Variants in MCRS1 observed in about 807,000 individuals in gnomAD.
MCRS1 encodes 58 kDa microspherule protein.
A neutral mutation model predicts 62.9 loss-of-function variants in MCRS1; 22 were observed. That is an observed-to-expected ratio of 0.35 (90% CI 0.25 to 0.50). MCRS1 has a LOEUF of 0.50. Ranked by LOEUF, MCRS1 falls within the 20% of genes least tolerant of loss-of-function variation. MCRS1 has a pLI of 0.98. For missense variants in MCRS1, 456 were observed against 601.1 expected (o/e 0.76, Z 2.52); for synonymous variants, 244 against 233.5 (o/e 1.04, Z -0.41).
intron 8 of MCRS1, among the ~76,000 whole-genome samples, chr12:49,561,213 A>G (rs562630095): frequency 5.3e-5 from 8 of 152,314 alleles, no homozygotes; most frequent in Admixed American, 5.2e-4. Context: ...TTAAAGGGAT[A>G]AAGGCCCCCC....
At chr12:49,565,393 G>A in intron 4 of MCRS1, 136 bp downstream of exon 4, 1 of 1,500,944 alleles carries the variant, frequency 6.7e-7, no homozygotes, top group South Asian at 1.4e-5. Context: ...CAGGAGGGGG[G>A]CATCTGAGAT....
chr12:49,566,502 A>C (rs1939072860), intron 2 of MCRS1: 2 of 1,535,400 alleles, frequency 1.3e-6, no homozygotes, highest in Non-Finnish European at 1.8e-6. Context: ...TCTGGGCATA[A>C]CTGCTCCCTC....
In MCRS1 at chr12:49,559,420, A is replaced by G. The variant is rs908366750; in HGVS notation, c.1086+33T>C. The G allele has an allele frequency of 6.2e-7, 1 of 1,613,326 alleles. No homozygotes were observed. Among genetic ancestry groups the G allele is most frequent in the Non-Finnish European group, 8.5e-7 (1 of 1,179,474 alleles). On this transcript the variant is annotated intron_variant, in intron 12 of 14. Transcript: ENST00000343810. The surrounding 1 kb of genome is among the most constrained non-coding windows in gnomAD (Gnocchi z 5.2). The stretch of plus-strand genomic sequence containing the variant: ...AGAGAAAGGCACTGACAGAGGAAGC[A>G]GCCTAAGAAGGGCGGGGATGGGCCT...
rs375972087 is a variant in MCRS1, at chr12:49,559,020, G to A, written c.1175-50C>T. 2.5e-6 allele frequency: 4 copies of A among 1,607,126 alleles called. No individual in the cohort carries two copies. The highest frequency in any genetic ancestry group is 1.3e-5 in the African/African-American group (1 of 74,864). ...GATGATGGGATGGGGAGGGATTGAT[G>A]GGATGGGGAAAGGCCAGAGAGAGCC... On this transcript the variant is annotated intron_variant, in intron 13 of 14. Coordinates refer to ENST00000343810, the MANE Select transcript of MCRS1 (RefSeq NM_006337.5). The surrounding 1 kb of genome is among the most constrained non-coding windows in gnomAD (Gnocchi z 5.2).
At position 49,565,538 on chromosome 12, in the gene MCRS1, C is replaced by T. The variant is rs1172417840; in HGVS notation, c.279G>A (p.Glu93=). 2 of 1,590,290 alleles carry T rather than the reference C, an allele frequency of 1.3e-6. No individual in the cohort carries two copies. The highest frequency in any genetic ancestry group is 1.2e-5 in the South Asian group (1 of 86,612). Residue 93 remains glutamate (E), a synonymous_variant, in exon 4 of 15, where the codon GAG becomes GAA. Coordinates refer to ENST00000343810, the MANE Select transcript of MCRS1 (RefSeq NM_006337.5). The part of the protein sequence containing the change: ...RCSGSEPSSS[E]KKKVSKAPST... ...TCTCCCAATTCCTCACCTTCTTCTT[C>T]TCACTGGAGGAGGGTTCACTCCCCG...
Position 49,567,282 on chromosome 12 carries a change from C to T in MCRS1, c.-110-441G>A, listed in dbSNP as rs1939112166. 2.0e-5 allele frequency among the ~76,000 whole-genome samples: 3 copies of T among 151,998 alleles called. No individual in the cohort carries two copies. In the South Asian group the frequency reaches 6.2e-4, roughly 32 times the overall value. On this transcript the variant is annotated intron_variant, in intron 1 of 14. Coordinates refer to ENST00000343810, the MANE Select transcript of MCRS1 (RefSeq NM_006337.5). ...GGAGACAAAACTCCAACCAGTCCAT[C>T]TCGTTTTTTTTTTGTTTTTCTTTTC... is the stretch of plus-strand genomic sequence containing the variant.
In MCRS1 at chr12:49,566,828, G is replaced by T; in HGVS notation, c.-97C>A. 6.7e-7 allele frequency: 1 copy of T among 1,493,708 alleles called. No individual in the cohort carries two copies. The highest frequency in any genetic ancestry group is 9.2e-7 in the Non-Finnish European group (1 of 1,090,934). 92.5% of individuals were successfully genotyped at this position (1,493,708 alleles called of 1,614,324 possible). A position where few individuals can be genotyped will look rare whatever the true frequency, so the allele number is the denominator to read the frequency against. The stretch of plus-strand genomic sequence containing the variant: ...GGATTCTGACCAGGTGAGCTTAAAG[G>T]CTGAGAGGAGATTCTGCAAAGGAGA... On this transcript the variant is annotated 5_prime_UTR_variant, in exon 2 of 15. Coordinates refer to ENST00000343810, the MANE Select transcript of MCRS1 (RefSeq NM_006337.5).
Position 49,564,909 on chromosome 12 carries a change from AG to A in MCRS1, c.289-15del. ...GGCTTTGGATACCTGGGCAGAGGAC[AG>A]GAACAAACCAAGCTCAAAGCCAGCA... is the stretch of plus-strand genomic sequence containing the variant. On this transcript the variant is annotated splice_polypyrimidine_tract_variant and intron_variant, in intron 4 of 14. Coordinates refer to ENST00000343810, the MANE Select transcript of MCRS1 (RefSeq NM_006337.5). 2 of 1,563,858 alleles carry A rather than the reference AG, an allele frequency of 1.3e-6. No homozygotes were observed. The highest frequency in any genetic ancestry group is 2.3e-5 in the South Asian group (2 of 85,392).
Position 49,562,946 on chromosome 12 carries a change from A to G in MCRS1, c.805+55T>C, listed in dbSNP as rs142536571. The G allele has an allele frequency of 5.2e-6, 8 of 1,546,504 alleles. No homozygotes were observed. In the African/African-American group the frequency reaches 1.1e-4, roughly 21 times the overall value. On this transcript the variant is annotated intron_variant, in intron 8 of 14. Transcript: ENST00000343810. ...GGCAGCTGTGTCGAGTACTTCAGAC[A>G]CACACACACATGCACGTGCACACAC...
intron 9 of MCRS1, 43 bp downstream of exon 9, chr12:49,560,252 G>A (rs757898014): frequency 1.4e-5 from 22 of 1,595,750 alleles, no homozygotes; most frequent in Non-Finnish European, 1.7e-5. Context: ...TGACAGGAGT[G>A]ACTCGGCTCT....
intron 6 of MCRS1, 64 bp downstream of exon 6, chr12:49,564,417 T>C: frequency 7.1e-7 from 1 of 1,401,206 alleles, no homozygotes; most frequent in South Asian, 1.3e-5. Context: ...CAATTCCCTC[T>C]GCTCCAGGAC....
rs907379205 is a variant in MCRS1 at position 49,559,432 on chromosome 12, G to C, written c.1086+21C>G. ...TGACAGAGGAAGCAGCCTAAGAAGG[G>C]CGGGGATGGGCCTGCCTCACCTCAC... On this transcript the variant is annotated intron_variant, in intron 12 of 14. Coordinates refer to ENST00000343810, the MANE Select transcript of MCRS1 (RefSeq NM_006337.5). The surrounding 1 kb of genome is among the most constrained non-coding windows in gnomAD (Gnocchi z 5.2). 3 of 1,613,842 alleles carry C rather than the reference G, an allele frequency of 1.9e-6. No individual in the cohort carries two copies. Among genetic ancestry groups the C allele is most frequent in the Non-Finnish European group, 2.5e-6 (3 of 1,179,920 alleles).
Position 49,559,918 on chromosome 12 carries a change from AC to A in MCRS1, c.910+20del. 3 of 1,613,734 alleles carry A rather than the reference AC, an allele frequency of 1.9e-6. No homozygotes were observed. Among genetic ancestry groups the A allele is most frequent in the Middle Eastern group, 1.6e-4 (1 of 6,062 alleles). ...TGGCAGGAGCTTCCATCCCCTCACC[AC>A]CCCATGAGGCCATACTTACCATGTT... On this transcript the variant is annotated intron_variant, in intron 10 of 14. Transcript: ENST00000343810. This position sits in a 1 kb window ranked among gnomAD's most constrained non-coding sequence, Gnocchi z 5.2.
rs1248636219 is a variant in MCRS1 at position 49,558,488 on chromosome 12, G to A, written c.*155C>T. 5.5e-6 allele frequency: 4 copies of A among 729,094 alleles called. No homozygotes were observed. The South Asian group carries it at 5.7e-5, about 10-fold the overall frequency. 45.2% of individuals were successfully genotyped at this position (729,094 alleles called of 1,614,324 possible). On this transcript the variant is annotated 3_prime_UTR_variant, in exon 15 of 15. Transcript: ENST00000343810. Reference sequence around the variant, plus strand: ...CTCAGCCTCTGCTGGCTTCACAAAGGCCAGCCCTATCCTCCCTCAAAGGCT... The same window carrying A: ...CTCAGCCTCTGCTGGCTTCACAAAGACCAGCCCTATCCTCCCTCAAAGGCT...
Position 49,558,809 on chromosome 12 carries a change from T to G in MCRS1, c.1302+34A>C, listed in dbSNP as rs780658869. On this transcript the variant is annotated intron_variant, in intron 14 of 14. Coordinates refer to ENST00000343810, the MANE Select transcript of MCRS1 (RefSeq NM_006337.5). ...TGTACTGGCTCACCACGCCTAGGTC[T>G]CATCCTGGCCTTCCTGCCTCCTCCC... 6 of 1,613,400 alleles carry G rather than the reference T, an allele frequency of 3.7e-6. No individual in the cohort carries two copies. In the Admixed American group the frequency reaches 1.0e-4, roughly 27 times the overall value.
intron 8 of MCRS1, among the ~76,000 whole-genome samples, chr12:49,561,047 C>CTGTTT (rs1555199603): frequency 6.6e-6 from 1 of 152,094 alleles, no homozygotes; most frequent in Admixed American, 6.5e-5. Flanking sequence ...TCATGAAAGT[C>CTGTTT]TGTTTTTTTT....
chr12:49,565,811 GC>G, intron 3 of MCRS1, 144 bp from the exon 4 acceptor site: 1 of 1,207,214 alleles, frequency 8.3e-7, no homozygotes, highest in South Asian at 1.3e-5. Flanking sequence ...CCTGGTTGTG[GC>G]CATGGAACTG....
At chr12:49,564,656 AG>A in intron 5 of MCRS1, 66 bp from the exon 6 acceptor site, 1 of 1,608,108 alleles carries the variant, frequency 6.2e-7, no homozygotes, top group Non-Finnish European at 8.5e-7. Flanking sequence ...TGCCACCCAC[AG>A]GGCCCTGTTG....
chr12:49,564,950 G>A lies in MCRS1; in HGVS notation c.289-55C>T, dbSNP rs964843516. 31 of 1,512,552 alleles carry A rather than the reference G, an allele frequency of 2.0e-5. No homozygotes were observed. The Admixed American group carries it at 4.4e-4, about 21-fold the overall frequency. The allele number at this position is 1,512,552 out of a possible 1,614,324, so 93.7% of individuals were successfully genotyped here. On this transcript the variant is annotated intron_variant, in intron 4 of 14. Coordinates refer to ENST00000343810, the MANE Select transcript of MCRS1 (RefSeq NM_006337.5). ...CAAAGCCAGCATCCAGTCAGCTGGC[G>A]CTTCATGACTAGAGTTTCACATACT...
Sources: gnomAD v4.1 joint callset for allele counts (sites outside exome capture counted in the v4.1 genomes callset) on GRCh38, gnomAD v4.1.1 for gene constraint, Gnocchi (gnomAD v3.1) non-coding constraint, MANE v1.5 for transcripts, NCBI Gene and HGNC (gene_info 2026-07-23, HGNC 2026-07-21) for gene names.